Variants in NCOA2 observed in about 807,000 individuals in gnomAD.
NCOA2 encodes the protein class E basic helix-loop-helix protein 75.
NCOA2 carries 21 observed loss-of-function variants against 145.1 expected under a neutral mutation model. That is an observed-to-expected ratio of 0.14 (90% CI 0.10 to 0.21). NCOA2 has a LOEUF of 0.21. Ranked by LOEUF, NCOA2 falls within the 10% of genes least tolerant of loss-of-function variation. The pLI, the probability that NCOA2 is intolerant of heterozygous loss-of-function variation, is 1.00. For missense variants in NCOA2, 1,472 were observed against 1,837.6 expected, an observed-to-expected ratio of 0.80 and a Z score of 3.64; for synonymous variants, 619 against 637.5, an observed-to-expected ratio of 0.97 and a Z score of 0.44.
At chr8:70,454,562 CA>C in the NCOA2 span, among the ~76,000 whole-genome samples, 2 of 152,196 alleles carry the variant, frequency 1.3e-5, no homozygotes, top group Non-Finnish European at 2.9e-5. Flanking sequence ...AAGCAGACTC[CA>C]ATTTTTAGCT....
intron 2 of NCOA2, among the ~76,000 whole-genome samples, chr8:70,262,412 A>T (rs1465588896): frequency 2.0e-5 from 3 of 152,224 alleles, no homozygotes; most frequent in Non-Finnish European, 4.4e-5. Context: ...ATGGATTTTT[A>T]AAACTTACAC....
chr8:70,190,110 T>A (rs1364716947), intron 4 of NCOA2, among the ~76,000 whole-genome samples: 7 of 152,248 alleles, frequency 4.6e-5, no homozygotes, highest in Middle Eastern at 3.4e-3. Context: ...CTCAAAAAAA[T>A]TTTTGGAAAA....
intron 9 of NCOA2, among the ~76,000 whole-genome samples, chr8:70,161,765 C>T (rs546912123): frequency 6.6e-6 from 1 of 152,290 alleles, no homozygotes; most frequent in South Asian, 2.1e-4. Context: ...TGCATGAGTC[C>T]CTCACGTGCA....
At chr8:70,199,126 T>A (rs894629599) in intron 4 of NCOA2, among the ~76,000 whole-genome samples, 1 of 151,824 alleles carries the variant, frequency 6.6e-6, no homozygotes, top group Non-Finnish European at 1.5e-5. Context: ...AAAAAGCCAG[T>A]GAGTGAGGAT....
chr8:70,205,777 T>C (rs952315999), intron 4 of NCOA2, among the ~76,000 whole-genome samples: 2 of 152,138 alleles, frequency 1.3e-5, no homozygotes, highest in Admixed American at 6.5e-5. Context: ...TAGTCTTCTA[T>C]GGTGAGGGTT....
rs114549859 is a variant in NCOA2, at chr8:70,116,711, C to G, written c.4384-3068G>C. Among the ~76,000 whole-genome samples, 1,435 of 152,276 alleles carry G rather than the reference C, an allele frequency of 9.4e-3. 23 individuals carry two copies. The highest frequency in any genetic ancestry group is 0.032 in the African/African-American group (1,337 of 41,552). Reference sequence around the variant, plus strand: ...TTTCTGATGAATGAAAAGGGATATCCTATACAGATTATTCTCTAAAGCAAA... The same window carrying G: ...TTTCTGATGAATGAAAAGGGATATCGTATACAGATTATTCTCTAAAGCAAA... On this transcript the variant is annotated intron_variant, in intron 22 of 22. Transcript: ENST00000452400.
At chr8:70,442,139 G>GA in the NCOA2 span, among the ~76,000 whole-genome samples, 4 of 122,784 alleles carry the variant, frequency 3.3e-5, no homozygotes, top group Non-Finnish European at 6.4e-5. Flanking sequence ...AAGAAAGAAA[G>GA]AAAGAAAGAA....
rs1219088154 is a variant in NCOA2 at position 70,338,842 on chromosome 8, CA to C, written c.-76-42043del. On this transcript the variant is annotated intron_variant, in intron 1 of 22. Transcript: ENST00000452400. ...TTCACTACATAAACTGCACTAAAGACAAAAAACACATGATTATCTCAATACA... is the reference window on the plus strand; with the variant it reads ...TTCACTACATAAACTGCACTAAAGACAAAAACACATGATTATCTCAATACA... Among the ~76,000 whole-genome samples the C allele has an allele frequency of 2.0e-5, 3 of 152,082 alleles. No individual in the cohort carries two copies. The South Asian group carries it at 6.2e-4, about 32-fold the overall frequency.
chr8:70,344,520 A>G (rs1808433418), intron 1 of NCOA2, among the ~76,000 whole-genome samples: 1 of 152,196 alleles, frequency 6.6e-6, no homozygotes, highest in Non-Finnish European at 1.5e-5. Flanking sequence ...ATTAATAACA[A>G]ACTCTCTAGA....
chr8:70,186,839 A>G (rs561020892), intron 4 of NCOA2, among the ~76,000 whole-genome samples: 4 of 152,314 alleles, frequency 2.6e-5, no homozygotes, highest in African/African-American at 9.6e-5. Context: ...AAAAATGTGA[A>G]TTTTCTTTAT....
At chr8:70,291,786 A>C (rs1488785386) in intron 2 of NCOA2, among the ~76,000 whole-genome samples, 1 of 152,170 alleles carries the variant, frequency 6.6e-6, no homozygotes, top group Non-Finnish European at 1.5e-5. Context: ...CTCGATTCAC[A>C]TGGACAGATT....
At chr8:70,357,844 A>G (rs563008225) in intron 1 of NCOA2, among the ~76,000 whole-genome samples, 1 of 152,276 alleles carries the variant, frequency 6.6e-6, no homozygotes, top group South Asian at 2.1e-4. Context: ...CGAAGTCAGG[A>G]GTTCAATACC....
intron 2 of NCOA2, among the ~76,000 whole-genome samples, chr8:70,286,458 C>G (rs1379961156): frequency 6.6e-6 from 1 of 152,088 alleles, no homozygotes; most frequent in East Asian, 1.9e-4. Context: ...ATGAAACAAA[C>G]TTTTCAAGAG....
chr8:70,361,477 G>T (rs972473860), intron 1 of NCOA2, among the ~76,000 whole-genome samples: 6 of 142,958 alleles, frequency 4.2e-5, no homozygotes, highest in Non-Finnish European at 9.3e-5. Flanking sequence ...TCTCAAAAAA[G>T]AAAAAAAAAG....
At chr8:70,441,431 A>G in the NCOA2 span, among the ~76,000 whole-genome samples, 1 of 150,632 alleles carries the variant, frequency 6.6e-6, no homozygotes. Context: ...AAGAGGGAGA[A>G]GAGAAAGAAA....
At chr8:70,348,199 C>G (rs1044180964) in intron 1 of NCOA2, among the ~76,000 whole-genome samples, 2 of 152,164 alleles carry the variant, frequency 1.3e-5, no homozygotes, top group African/African-American at 4.8e-5. Flanking sequence ...AGATTACCCT[C>G]GACAAGCTTC....
At chr8:70,182,991 C>A (rs577481940) in intron 4 of NCOA2, among the ~76,000 whole-genome samples, 49 of 152,296 alleles carry the variant, frequency 3.2e-4, no homozygotes, top group Admixed American at 3.1e-3. Context: ...AGCATTCATT[C>A]ATTCCCTGAT....
chr8:70,321,182 A>C (rs1266758496), intron 1 of NCOA2, among the ~76,000 whole-genome samples: 2 of 152,226 alleles, frequency 1.3e-5, no homozygotes, highest in African/African-American at 4.8e-5. Context: ...TACAGCATGG[A>C]AAGTATAGTT....
Position 70,265,194 on chromosome 8 carries a change from T to C in NCOA2, c.-20+31550A>G, listed in dbSNP as rs567890297. Among the ~76,000 whole-genome samples the C allele has an allele frequency of 2.2e-4, 33 of 152,300 alleles. No individual in the cohort carries two copies. In the South Asian group the frequency reaches 6.8e-3, roughly 32 times the overall value. ...GGAGGTCATGAGAATGGGATCCTTA[T>C]GATGGAATTAGTGTCCATGTAAGAG... On this transcript the variant is annotated intron_variant, in intron 2 of 22. Coordinates refer to ENST00000452400, the MANE Select transcript of NCOA2 (RefSeq NM_006540.4).
Sources: gnomAD v4.1 joint callset for allele counts (sites outside exome capture counted in the v4.1 genomes callset) on GRCh38, gnomAD v4.1.1 for gene constraint, MANE v1.5 for transcripts, NCBI Gene and HGNC (gene_info 2026-07-23, HGNC 2026-07-21) for gene names.